Variants in SAMD4A observed in about 807,000 individuals in gnomAD.
The protein encoded by SAMD4A is sterile alpha motif domain containing 4A, also known as protein Smaug homolog 1.
Under a neutral mutation model 81.3 loss-of-function variants are expected in SAMD4A, and 33 were observed. The observed-to-expected ratio is 0.41, with a 90% CI of 0.31 to 0.54. The LOEUF is 0.54. Ranked by LOEUF, SAMD4A falls within the 20% of genes least tolerant of loss-of-function variation. The pLI is 0.37. For synonymous variants in SAMD4A, 389 were observed against 382.1 expected, an observed-to-expected ratio of 1.02 and a Z score of -0.21; for missense variants, 854 against 951.1, an observed-to-expected ratio of 0.90 and a Z score of 1.34.
rs139670074 is a variant in SAMD4A at position 54,674,378 on chromosome 14, T to C, written c.197-27684T>C. Among the ~76,000 whole-genome samples, 17 of 152,382 alleles carry C rather than the reference T, an allele frequency of 1.1e-4. No homozygotes were observed. In the East Asian group the frequency reaches 3.3e-3, roughly 29 times the overall value. On this transcript the variant is annotated intron_variant, in intron 2 of 12. Coordinates refer to ENST00000554335, the MANE Select transcript of SAMD4A (RefSeq NM_015589.6). ...AAAGTAAGACTGTAAAAGCAGCTTG[T>C]TCAAAACTTGACCTCTTCGGCATGC...
chr14:54,600,489 T>C (rs1382209578), intron 2 of SAMD4A, among the ~76,000 whole-genome samples: 1 of 152,238 alleles, frequency 6.6e-6, no homozygotes, highest in African/African-American at 2.4e-5. Flanking sequence ...TTTCAGAATT[T>C]GTTATTCTAC....
intron 2 of SAMD4A, among the ~76,000 whole-genome samples, chr14:54,581,038 C>A (rs1322208390): frequency 6.6e-6 from 1 of 152,188 alleles, no homozygotes; most frequent in Non-Finnish European, 1.5e-5. Flanking sequence ...GGTTTCCCCT[C>A]AGACCCTTAC....
intron 9 of SAMD4A, among the ~76,000 whole-genome samples, chr14:54,771,784 G>A (rs1338059885): frequency 6.6e-6 from 1 of 152,212 alleles, no homozygotes; most frequent in Non-Finnish European, 1.5e-5. Context: ...GGTTGGAGAT[G>A]AAGATGGGGC....
intron 2 of SAMD4A, among the ~76,000 whole-genome samples, chr14:54,663,861 C>T (rs1187805389): frequency 6.6e-6 from 1 of 152,226 alleles, no homozygotes; most frequent in Non-Finnish European, 1.5e-5. Context: ...GGCTGCTCTC[C>T]AGTGAGCCAT....
At chr14:54,769,652 T>C (rs1431764622) in intron 8 of SAMD4A, among the ~76,000 whole-genome samples, 5 of 152,170 alleles carry the variant, frequency 3.3e-5, no homozygotes, top group Non-Finnish European at 7.4e-5. Flanking sequence ...TCTGACACCC[T>C]GTAGACCACT....
chr14:54,759,265 C>T (rs893686715), intron 6 of SAMD4A, among the ~76,000 whole-genome samples: 1 of 152,198 alleles, frequency 6.6e-6, no homozygotes, highest in African/African-American at 2.4e-5. Context: ...TTTCAGCATC[C>T]CTGCCCTGGC....
Position 54,774,995 on chromosome 14 carries a change from A to AGAC in SAMD4A, c.1779_1781dup (p.Arg594dup). The stretch of plus-strand genomic sequence containing the variant: ...TGGCTCTGTGGGCGGTGGCATGGGC[A>AGAC]GACGGAACCCGCGCCAGTACCAGAT... On this transcript the variant is annotated inframe_insertion, in exon 10 of 13. Transcript: ENST00000554335. 1 of 1,614,146 alleles carries AGAC rather than the reference A, an allele frequency of 6.2e-7. No homozygotes were observed. The highest frequency in any genetic ancestry group is 8.5e-7 in the Non-Finnish European group (1 of 1,180,020).
intron 11 of SAMD4A, among the ~76,000 whole-genome samples, chr14:54,779,022 A>G (rs2038932669): frequency 6.6e-6 from 1 of 152,182 alleles, no homozygotes; most frequent in African/African-American, 2.4e-5. Flanking sequence ...CCCAGGGACG[A>G]CACCTCTGAC....
chr14:54,776,180 G>A (rs1431679093), intron 10 of SAMD4A, among the ~76,000 whole-genome samples: 1 of 152,092 alleles, frequency 6.6e-6, no homozygotes, highest in Non-Finnish European at 1.5e-5. Context: ...GAGGTGTCCA[G>A]ATGAAGCTGA....
intron 8 of SAMD4A, among the ~76,000 whole-genome samples, chr14:54,768,932 T>C (rs1179624673): frequency 1.3e-5 from 2 of 152,358 alleles, no homozygotes; most frequent in African/African-American, 4.8e-5. Context: ...TTTCTCCATT[T>C]AAGGAATCTG....
At chr14:54,636,364 C>T (rs1029918614) in intron 2 of SAMD4A, among the ~76,000 whole-genome samples, 3 of 152,128 alleles carry the variant, frequency 2.0e-5, no homozygotes, top group Non-Finnish European at 2.9e-5. Flanking sequence ...GTGGGGGAGT[C>T]GTGCACTGGG....
chr14:54,701,513 T>A (rs2036715343), intron 2 of SAMD4A, among the ~76,000 whole-genome samples: 1 of 152,248 alleles, frequency 6.6e-6, no homozygotes, highest in Non-Finnish European at 1.5e-5. Context: ...AAAGGTGCAG[T>A]CTTACTGCAC....
At chr14:54,657,629 G>T (rs1255449656) in intron 2 of SAMD4A, among the ~76,000 whole-genome samples, 1 of 152,198 alleles carries the variant, frequency 6.6e-6, no homozygotes, top group African/African-American at 2.4e-5. Flanking sequence ...TCTGCTTAAG[G>T]CATGGACATC....
intron 3 of SAMD4A, among the ~76,000 whole-genome samples, chr14:54,720,893 A>G (rs112712066): frequency 0.013 from 1,979 of 152,118 alleles, 46 homozygotes; most frequent in African/African-American, 0.045. Context: ...TTCCCTTGCT[A>G]TGGGCACACA....
chr14:54,600,752 T>C (rs1315783091), intron 2 of SAMD4A, among the ~76,000 whole-genome samples: 1 of 152,180 alleles, frequency 6.6e-6, no homozygotes, highest in Non-Finnish European at 1.5e-5. Context: ...TGACAGAACA[T>C]TGGCCAACAG....
chr14:54,624,618 TGA>T (rs1349004345), intron 2 of SAMD4A, among the ~76,000 whole-genome samples: 3 of 152,256 alleles, frequency 2.0e-5, no homozygotes, highest in Non-Finnish European at 4.4e-5. Flanking sequence ...GTCTCCTCTC[TGA>T]GTTGCTTGTG....
chr14:54,677,153 C>T (rs1421726059), intron 2 of SAMD4A, among the ~76,000 whole-genome samples: 2 of 152,162 alleles, frequency 1.3e-5, no homozygotes, highest in Non-Finnish European at 1.5e-5. Flanking sequence ...GGAAGTGGTT[C>T]AGAGGTAGTG....
chr14:54,585,471 G>A (rs1022430707), intron 2 of SAMD4A, among the ~76,000 whole-genome samples: 1 of 151,642 alleles, frequency 6.6e-6, no homozygotes, highest in Non-Finnish European at 1.5e-5. Context: ...TAGGTTTTTG[G>A]GGAACAAATG....
chr14:54,724,690 T>G (rs771810066), intron 3 of SAMD4A, among the ~76,000 whole-genome samples: 8 of 152,136 alleles, frequency 5.3e-5, no homozygotes, highest in Admixed American at 2.6e-4. Flanking sequence ...TCAGTTACCC[T>G]TCCATGAGAT....
Sources: allele counts gnomAD v4.1 joint callset (sites outside exome capture counted in the v4.1 genomes callset), GRCh38; gene constraint gnomAD v4.1.1; transcripts MANE v1.5; gene names NCBI Gene and HGNC (gene_info 2026-07-23, HGNC 2026-07-21).